The following RBFOX1 variants were observed in gnomAD, a reference collection of about 807,000 sequenced individuals.
RBFOX1 encodes the protein RNA binding protein fox-1 homolog 1.
RBFOX1 carries 8 observed loss-of-function variants against 57.7 expected under a neutral mutation model. That is an observed-to-expected ratio of 0.14 (90% CI 0.08 to 0.25). The LOEUF is 0.25. Ranked by LOEUF, RBFOX1 falls within the 10% of genes least tolerant of loss-of-function variation. RBFOX1 has a pLI of 1.00. For synonymous variants in RBFOX1, 326 were observed against 222.4 expected (o/e 1.47, Z -4.15); for missense variants, 611 against 548.5 (o/e 1.11, Z -1.14).
intron 4 of RBFOX1, among the ~76,000 whole-genome samples, chr16:7,053,819 G>C (rs1041264218): frequency 6.6e-6 from 1 of 152,070 alleles, no homozygotes; most frequent in African/African-American, 2.4e-5. Context: ...CTAACATCAC[G>C]AACCAGTGCT....
At chr16:7,316,393 C>T (rs2096439691) in intron 4 of RBFOX1, among the ~76,000 whole-genome samples, 1 of 152,204 alleles carries the variant, frequency 6.6e-6, no homozygotes, top group African/African-American at 2.4e-5. Flanking sequence ...TCTTGCAAGG[C>T]ATGTGAGGCC....
At chr16:6,762,865 C>G (rs1200016044) in intron 3 of RBFOX1, among the ~76,000 whole-genome samples, 2 of 152,254 alleles carry the variant, frequency 1.3e-5, no homozygotes, top group East Asian at 3.9e-4. Context: ...GGTACCTCTC[C>G]TTGCCTTGGG....
chr16:6,312,796 C>A (rs999479333), intron 1 of RBFOX1, among the ~76,000 whole-genome samples: 2 of 151,080 alleles, frequency 1.3e-5, no homozygotes, highest in African/African-American at 4.9e-5. Context: ...TCTTTTCTTC[C>A]TTGGGTAAAT....
chr16:6,135,526 A>T (rs1230887528), intron 1 of RBFOX1, among the ~76,000 whole-genome samples: 1 of 152,184 alleles, frequency 6.6e-6, no homozygotes, highest in East Asian at 1.9e-4. Flanking sequence ...CAACAGGGTC[A>T]GGTGTGAATA....
intron 3 of RBFOX1, among the ~76,000 whole-genome samples, chr16:6,956,681 A>G (rs945145089): frequency 2.6e-5 from 4 of 152,194 alleles, no homozygotes; most frequent in African/African-American, 9.7e-5. Context: ...CTATTGCATC[A>G]TATCAAAGGC....
chr16:7,338,247 C>G (rs966666415), intron 4 of RBFOX1, among the ~76,000 whole-genome samples: 2 of 151,602 alleles, frequency 1.3e-5, no homozygotes, highest in Non-Finnish European at 2.9e-5. Context: ...GTTTCTATGC[C>G]TTCTTTTCTC....
rs375380266 is a variant in RBFOX1 at position 6,257,448 on chromosome 16, G to T, written c.-126-59547G>T. On this transcript the variant is annotated intron_variant, in intron 1 of 15. Transcript: ENST00000550418. ...TTTTTTTTTAAACTTTTAAGTTCAG[G>T]GGCACACGTGCAGGTTTGTTACATA... 1.5e-4 allele frequency among the ~76,000 whole-genome samples: 22 copies of T among 151,676 alleles called. No homozygotes were observed. The East Asian group carries it at 3.5e-3, about 24-fold the overall frequency.
intron 3 of RBFOX1, among the ~76,000 whole-genome samples, chr16:5,781,979 G>T (rs2054338345): frequency 6.6e-6 from 1 of 152,230 alleles, no homozygotes; most frequent in African/African-American, 2.4e-5. Context: ...GCCGAGGTGG[G>T]CGGATTACTT....
At chr16:6,869,294 C>G (rs897408818) in intron 3 of RBFOX1, among the ~76,000 whole-genome samples, 1 of 152,128 alleles carries the variant, frequency 6.6e-6, no homozygotes, top group Non-Finnish European at 1.5e-5. Flanking sequence ...CAAGTAAATA[C>G]TTATTATATC....
chr16:5,489,563 A>G (rs559038523), intron 2 of RBFOX1, among the ~76,000 whole-genome samples: 6 of 152,154 alleles, frequency 3.9e-5, no homozygotes, highest in African/African-American at 1.2e-4. Flanking sequence ...AATGGGGACA[A>G]TGGTGTCTAT....
intron 2 of RBFOX1, among the ~76,000 whole-genome samples, chr16:5,542,311 C>T (rs964130227): frequency 7.4e-5 from 11 of 148,472 alleles, no homozygotes; most frequent in African/African-American, 2.3e-4. Context: ...TGCAGTGGCA[C>T]GATCTCGGCT....
At chr16:5,386,611 G>C (rs554743034) in intron 1 of RBFOX1, among the ~76,000 whole-genome samples, 6 of 151,956 alleles carry the variant, frequency 3.9e-5, no homozygotes, top group Non-Finnish European at 5.9e-5. Context: ...CCTTACCCTT[G>C]TCCTGGAGGT....
chr16:7,399,521 T>C (rs2098201980), intron 4 of RBFOX1, among the ~76,000 whole-genome samples: 1 of 152,168 alleles, frequency 6.6e-6, no homozygotes, highest in African/African-American at 2.4e-5. Flanking sequence ...TATGGAGACT[T>C]TGGATACTTT....
intron 14 of RBFOX1, among the ~76,000 whole-genome samples, chr16:7,679,815 C>A (rs1474039818): frequency 6.6e-6 from 1 of 151,974 alleles, no homozygotes; most frequent in East Asian, 1.9e-4. Context: ...AGAAAGAAGA[C>A]CATCTGGTGT....
intron 4 of RBFOX1, among the ~76,000 whole-genome samples, chr16:7,110,273 A>T (rs557012106): frequency 6.6e-6 from 1 of 151,866 alleles, no homozygotes; most frequent in South Asian, 2.1e-4. Context: ...AGGCAGAAGG[A>T]TCCCCGGAAC....
At position 7,219,246 on chromosome 16, in the gene RBFOX1, A is replaced by G. The variant is rs1313408796; in HGVS notation, c.27+167148A>G. 2.0e-5 allele frequency among the ~76,000 whole-genome samples: 3 copies of G among 152,320 alleles called. No homozygotes were observed. The East Asian group carries it at 5.8e-4, about 29-fold the overall frequency. ...GCTCTACCAATTAACACCACAGGGA[A>G]AAGTAAAATGGGCTTTCTTTTGGCA... On this transcript the variant is annotated intron_variant, in intron 4 of 15. Coordinates refer to ENST00000550418, the MANE Select transcript of RBFOX1 (RefSeq NM_018723.4).
At chr16:5,358,992 C>G (rs1180630407) in intron 1 of RBFOX1, among the ~76,000 whole-genome samples, 1 of 152,166 alleles carries the variant, frequency 6.6e-6, no homozygotes, top group East Asian at 1.9e-4. Flanking sequence ...GGTGGCCATC[C>G]TTCTACTCTC....
chr16:6,758,360 C>T (rs1014364574), intron 3 of RBFOX1, among the ~76,000 whole-genome samples: 1 of 152,040 alleles, frequency 6.6e-6, no homozygotes, highest in Non-Finnish European at 1.5e-5. Context: ...ATCAAAGTAG[C>T]AGAATGCTAT....
At chr16:6,169,854 A>G (rs1440114132) in intron 1 of RBFOX1, among the ~76,000 whole-genome samples, 5 of 152,130 alleles carry the variant, frequency 3.3e-5, no homozygotes, top group African/African-American at 1.2e-4. Flanking sequence ...AACCTCTGCC[A>G]CCTGGGTTCA....
Sources: allele counts gnomAD v4.1 joint callset (sites outside exome capture counted in the v4.1 genomes callset), GRCh38; gene constraint gnomAD v4.1.1; transcripts MANE v1.5; gene names NCBI Gene and HGNC (gene_info 2026-07-23, HGNC 2026-07-21).